The following HMOX2 variants were observed in gnomAD, a reference collection of about 807,000 sequenced individuals.
The protein encoded by HMOX2 is heme oxygenase 2.
Under a neutral mutation model 33.7 loss-of-function variants are expected in HMOX2, and 30 were observed. The observed-to-expected ratio is 0.89, with a 90% CI of 0.67 to 1.21. The LOEUF is 1.21. HMOX2 is among the 50% of genes most tolerant of loss of function. The pLI is 0.00. For synonymous variants in HMOX2, 155 were observed against 155.0 expected (o/e 1.00, Z 0.00); for missense variants, 403 against 399.1 (o/e 1.01, Z -0.08).
Position 4,509,677 on chromosome 16 carries a change from T to C in HMOX2, c.872T>C (p.Leu291Pro). The change falls in exon 6 of 6, where the codon CTG (leucine) becomes CCG (proline). Residue 291 changes from leucine (L) to proline (P), a missense_variant. Physicochemically the swap from Leu to Pro is moderately conservative, Grantham distance 98 (BLOSUM62 -3). Transcript: ENST00000570646. ...SCPFRTAMAV[L>P]RKPSLQFILA... Reference sequence around the variant, plus strand: ...CCCTTCCGAACAGCTATGGCTGTGCTGAGGAAGCCCAGCCTCCAGTTCATC... The same window carrying C: ...CCCTTCCGAACAGCTATGGCTGTGCCGAGGAAGCCCAGCCTCCAGTTCATC... The C allele has an allele frequency of 1.9e-6, 3 of 1,614,106 alleles. No individual in the cohort carries two copies. Among genetic ancestry groups the C allele is most frequent in the Non-Finnish European group, 2.5e-6 (3 of 1,179,980 alleles).
chr16:4,482,575 T>G (rs1468188874), intron 1 of HMOX2, among the ~76,000 whole-genome samples: 1 of 152,160 alleles, frequency 6.6e-6, no homozygotes, highest in Non-Finnish European at 1.5e-5. Flanking sequence ...GAGGCACTAG[T>G]CACAAGTAGT....
chr16:4,478,495 G>C (rs897802819), intron 1 of HMOX2, among the ~76,000 whole-genome samples: 2 of 151,954 alleles, frequency 1.3e-5, no homozygotes, highest in Non-Finnish European at 2.9e-5. Flanking sequence ...TCATGCTTGT[G>C]ATCCCAGCAC....
chr16:4,481,423 G>T (rs1182741337), intron 1 of HMOX2, among the ~76,000 whole-genome samples: 2 of 151,424 alleles, frequency 1.3e-5, no homozygotes, highest in Admixed American at 1.3e-4. Flanking sequence ...TAATCTAGTT[G>T]ACTGGCTGGC....
upstream of HMOX2, among the ~76,000 whole-genome samples, chr16:4,475,236 A>C (rs1430194581): frequency 6.6e-6 from 1 of 151,888 alleles, no homozygotes; most frequent in Non-Finnish European, 1.5e-5. Context: ...TACAGGTGGG[A>C]GCCACCGTGC....
chr16:4,508,137 A>T lies in HMOX2; in HGVS notation c.629A>T (p.Asp210Val). The stretch of plus-strand genomic sequence containing the variant: ...TACCGGGCCAGGATGAACGCCCTGG[A>T]CCTGAACATGAAGACCAAAGAGAGG... ...QLYRARMNAL[D>V]LNMKTKERIV... Residue 210 changes from aspartate (D) to valine (V), a missense_variant, in exon 4 of 6, where the codon GAC becomes GTC. Transcript: ENST00000570646. 1 of 1,614,078 alleles carries T rather than the reference A, an allele frequency of 6.2e-7. No individual in the cohort carries two copies. Among genetic ancestry groups the T allele is most frequent in the Non-Finnish European group, 8.5e-7 (1 of 1,179,990 alleles).
At chr16:4,502,237 T>C (rs886460663) in intron 1 of HMOX2, among the ~76,000 whole-genome samples, 4 of 152,206 alleles carry the variant, frequency 2.6e-5, no homozygotes, top group Admixed American at 1.3e-4. Context: ...TTTTTGTATT[T>C]TTCGGAGAAG....
chr16:4,495,177 G>A (rs527665418), intron 1 of HMOX2, among the ~76,000 whole-genome samples: 1 of 152,338 alleles, frequency 6.6e-6, no homozygotes, highest in Admixed American at 6.5e-5. Context: ...ATATACTAAG[G>A]GAGGAAAACA....
intron 1 of HMOX2, among the ~76,000 whole-genome samples, chr16:4,483,439 A>G (rs937570815): frequency 6.6e-6 from 1 of 151,980 alleles, no homozygotes; most frequent in African/African-American, 2.4e-5. Flanking sequence ...CCTATTACCC[A>G]GGAAATTCCA....
Position 4,505,502 on chromosome 16 carries a change from A to C in HMOX2, c.-23A>C. 1 of 1,584,718 alleles carries C rather than the reference A, an allele frequency of 6.3e-7. No homozygotes were observed. The highest frequency in any genetic ancestry group is 8.6e-7 in the Non-Finnish European group (1 of 1,161,288). On this transcript the variant is annotated 5_prime_UTR_variant, in exon 2 of 6. Coordinates refer to ENST00000570646, the MANE Select transcript of HMOX2 (RefSeq NM_002134.4). ...TCTGCAGGACCAGAGGAGCGAGAGC[A>C]GCAAGAACCACACCCAGCAGCAATG...
intron 1 of HMOX2, among the ~76,000 whole-genome samples, chr16:4,493,647 C>T (rs754495252): frequency 4.5e-4 from 69 of 152,234 alleles, no homozygotes; most frequent in Non-Finnish European, 7.8e-4. Flanking sequence ...AGTAGATTCT[C>T]TCATGGCTAG....
At chr16:4,502,159 AG>A (rs1490580670) in intron 1 of HMOX2, among the ~76,000 whole-genome samples, 1 of 152,092 alleles carries the variant, frequency 6.6e-6, no homozygotes, top group Admixed American at 6.5e-5. Flanking sequence ...TGCTGACCTC[AG>A]GTGATCTGCC....
chr16:4,487,068 G>A (rs1361069401), intron 1 of HMOX2, among the ~76,000 whole-genome samples: 1 of 152,026 alleles, frequency 6.6e-6, no homozygotes. Flanking sequence ...ACCAACCTGG[G>A]CAACATAGTG....
intron 1 of HMOX2, among the ~76,000 whole-genome samples, chr16:4,498,532 G>A (rs781259154): frequency 2.5e-4 from 38 of 151,916 alleles, no homozygotes; most frequent in Non-Finnish European, 4.7e-4. Context: ...GTGTCACCAC[G>A]CCTGGCTAAT....
chr16:4,509,806 T>A lies in HMOX2; in HGVS notation c.*50T>A, dbSNP rs1192984366. On this transcript the variant is annotated 3_prime_UTR_variant, in exon 6 of 6. Transcript: ENST00000570646. ...CCCTCCTCCCGACTGACCACTGGCC[T>A]ACCCCTTTCTCCAGCCCTGACTAAA... 6.4e-7 allele frequency: 1 copy of A among 1,573,286 alleles called. No individual in the cohort carries two copies. Among genetic ancestry groups the A allele is most frequent in the Admixed American group, 1.8e-5 (1 of 55,688 alleles).
At chr16:4,508,280 T>C (rs572262225) in intron 4 of HMOX2, 76 bp downstream of exon 4, 4 of 1,469,980 alleles carry the variant, frequency 2.7e-6, no homozygotes, top group African/African-American at 2.8e-5. Context: ...TAGTGGCCCA[T>C]GAAGGCACAC....
At chr16:4,505,379 G>A in intron 1 of HMOX2, 105 bp from the exon 2 acceptor site, 2 of 582,922 alleles carry the variant, frequency 3.4e-6, no homozygotes, top group Non-Finnish European at 3.1e-6. Context: ...TGGGGTGTGT[G>A]GGTGTCACCT....
chr16:4,483,260 C>T (rs2058078977), intron 1 of HMOX2, among the ~76,000 whole-genome samples: 1 of 147,228 alleles, frequency 6.8e-6, no homozygotes, highest in Admixed American at 6.9e-5. Flanking sequence ...TAATTGAATA[C>T]GTTATTGGCC....
chr16:4,501,281 A>G (rs1170901583), intron 1 of HMOX2, among the ~76,000 whole-genome samples: 1 of 152,186 alleles, frequency 6.6e-6, no homozygotes, highest in Non-Finnish European at 1.5e-5. Flanking sequence ...ACTTGTCATT[A>G]TCAGTATACT....
chr16:4,505,731 C>A (rs1214979209), intron 2 of HMOX2, 121 bp downstream of exon 2: 4 of 667,622 alleles, frequency 6.0e-6, no homozygotes, highest in African/African-American at 5.4e-5. Context: ...CTCTGGACCC[C>A]TGGGTGCCTG....
Sources: allele counts gnomAD v4.1 joint callset (sites outside exome capture counted in the v4.1 genomes callset), GRCh38; gene constraint gnomAD v4.1.1; transcripts MANE v1.5; gene names NCBI Gene and HGNC (gene_info 2026-07-23, HGNC 2026-07-21).